Variants in SUPT5H observed in about 807,000 individuals in gnomAD.
SUPT5H encodes SPT5 homolog, DSIF elongation factor subunit.
A neutral mutation model predicts 142.5 loss-of-function variants in SUPT5H; 24 were observed. That is an observed-to-expected ratio of 0.17 (90% CI 0.12 to 0.24). The LOEUF (loss-of-function observed/expected upper bound fraction) is 0.24, where lower values mean the gene tolerates loss of function less well. SUPT5H is among the 10% of genes least tolerant of loss of function. The probability of loss-of-function intolerance (pLI) is 1.00; values close to 1 mark genes in which losing one functional copy is unlikely to be tolerated. For synonymous variants in SUPT5H, 546 were observed against 553.0 expected (o/e 0.99, Z 0.18); for missense variants, 893 against 1,471.8 (o/e 0.61, Z 6.43).
chr19:39,454,352 CGTTGT>C (rs1568420375), intron 3 of SUPT5H, among the ~76,000 whole-genome samples: 1 of 91,440 alleles, frequency 1.1e-5, no homozygotes, highest in African/African-American at 5.2e-5. Flanking sequence ...TTGTTGTTGT[CGTTGT>C]TTTTTTTTTT....
chr19:39,447,607 C>T (rs1052297681), intron 2 of SUPT5H, among the ~76,000 whole-genome samples: 41 of 152,136 alleles, frequency 2.7e-4, no homozygotes, highest in African/African-American at 6.7e-4. Context: ...TTAGTAGAGA[C>T]GGGGTTTCAC....
rs575648894 is a variant in SUPT5H at position 39,456,612 on chromosome 19, G to A, written c.242-1063G>A. Among the ~76,000 whole-genome samples the A allele has an allele frequency of 2.8e-3, 418 of 151,998 alleles. 3 individuals carry two copies. Among genetic ancestry groups the A allele is most frequent in the Non-Finnish European group, 4.8e-3 (327 of 67,970 alleles). Reference sequence around the variant, plus strand: ...TTTTGTATTTTTAGTAGAGACGGGGGTTTCACCATGTTGGCCAGGCTGATC... The same window carrying A: ...TTTTGTATTTTTAGTAGAGACGGGGATTTCACCATGTTGGCCAGGCTGATC... On this transcript the variant is annotated intron_variant, in intron 3 of 29. Transcript: ENST00000432763.
In SUPT5H at chr19:39,476,348, G is replaced by A; in HGVS notation, c.3213G>A (p.Glu1071=). ...EDGIVRMDLD[E]QLKILNLRFL... ...GCATTGTCCGTATGGACCTTGATGA[G>A]CAGCTCAAGATCCTCAACCTCCGCT... Residue 1071 remains glutamate (E), a synonymous_variant, in exon 30 of 30, where the codon GAG becomes GAA. Coordinates refer to ENST00000432763, the MANE Select transcript of SUPT5H (RefSeq NM_001111020.3). 1 of 1,614,110 alleles carries A rather than the reference G, an allele frequency of 6.2e-7. No individual in the cohort carries two copies. The highest frequency in any genetic ancestry group is 8.5e-7 in the Non-Finnish European group (1 of 1,180,012).
chr19:39,460,947 AG>A (rs1256733663), intron 10 of SUPT5H, among the ~76,000 whole-genome samples: 2 of 152,116 alleles, frequency 1.3e-5, no homozygotes, highest in South Asian at 4.1e-4. Context: ...AGACAGTTGT[AG>A]GGTTTGCAAA....
intron 10 of SUPT5H, among the ~76,000 whole-genome samples, chr19:39,462,750 C>T (rs545089480): frequency 2.0e-5 from 3 of 149,788 alleles, no homozygotes; most frequent in South Asian, 2.1e-4. Context: ...AGGCTGGTCT[C>T]GAACTCCTGA....
intron 2 of SUPT5H, among the ~76,000 whole-genome samples, chr19:39,451,876 A>G (rs2079026915): frequency 6.6e-6 from 1 of 152,206 alleles, no homozygotes; most frequent in Admixed American, 6.5e-5. Context: ...TGTATTAGGT[A>G]AATGGATTGT....
rs1055111308 is a variant in SUPT5H at position 39,473,888 on chromosome 19, G to A, written c.2493-75G>A. 16 of 1,593,798 alleles carry A rather than the reference G, an allele frequency of 1.0e-5. No individual in the cohort carries two copies. In the African/African-American group the frequency reaches 2.1e-4, roughly 21 times the overall value. ...ATGAAATTGCTTCAGTTGGGGGTCT[G>A]GTGTAGGGTGCTGTTCTGGAAGCAT... On this transcript the variant is annotated intron_variant, in intron 25 of 29. Coordinates refer to ENST00000432763, the MANE Select transcript of SUPT5H (RefSeq NM_001111020.3). The surrounding 1 kb of genome is among the most constrained non-coding windows in gnomAD (Gnocchi z 5.8).
rs775612918 is a variant in SUPT5H, at chr19:39,469,184, C to A, written c.1237+12C>A. ...GACTGAGAGCACAGGTATTTGATCC[C>A]CCTCTATAACCTGGGCCAAGGAGCA... On this transcript the variant is annotated intron_variant, in intron 15 of 29. Transcript: ENST00000432763. This position sits in a 1 kb window ranked among gnomAD's most constrained non-coding sequence, Gnocchi z 5.1. 1 of 1,614,072 alleles carries A rather than the reference C, an allele frequency of 6.2e-7. No homozygotes were observed. Among genetic ancestry groups the A allele is most frequent in the Admixed American group, 1.7e-5 (1 of 60,010 alleles).
chr19:39,464,097 C>A (rs1022828008), intron 10 of SUPT5H, among the ~76,000 whole-genome samples: 1 of 151,034 alleles, frequency 6.6e-6, no homozygotes, highest in Non-Finnish European at 1.5e-5. Context: ...GACTCTTCTG[C>A]CTCAGCCTCC....
In SUPT5H at chr19:39,469,157, G is replaced by A; in HGVS notation, c.1222G>A (p.Val408Met). The stretch of plus-strand genomic sequence containing the variant: ...GCCAGAGGGCATTGACCTGGAGGTG[G>A]TGACTGAGAGCACAGGTATTTGATC... ...DQPEGIDLEV[V>M]TESTGKEREH... is the part of the protein sequence containing the mutation. The change falls in exon 15 of 30, where the codon GTG becomes ATG. Residue 408 changes from valine to methionine, a missense_variant. Around this residue, in one of 6 missense-constraint regions of SUPT5H, gnomAD observed 428 missense variants for 763.5 expected, o/e 0.56. Transcript: ENST00000432763. This position sits in a 1 kb window ranked among gnomAD's most constrained non-coding sequence, Gnocchi z 5.1. The A allele has an allele frequency of 1.2e-6, 2 of 1,614,234 alleles. No homozygotes were observed. The highest frequency in any genetic ancestry group is 1.7e-6 in the Non-Finnish European group (2 of 1,180,024).
rs997105237 is a variant in SUPT5H at position 39,458,894 on chromosome 19, A to G, written c.389+7A>G. The G allele has an allele frequency of 1.9e-6, 3 of 1,613,668 alleles. No homozygotes were observed. Among genetic ancestry groups the G allele is most frequent in the Non-Finnish European group, 2.5e-6 (3 of 1,179,746 alleles). ...GCCTGCAAAACCTCTGGAGGTGGGC[A>G]AGGAAGGGAAACGTGGTGGGATTGG... On this transcript the variant is annotated splice_region_variant and intron_variant, in intron 6 of 29. Transcript: ENST00000432763. This position sits in a 1 kb window ranked among gnomAD's most constrained non-coding sequence, Gnocchi z 4.2.
Position 39,469,148 on chromosome 19 carries a change from C to G in SUPT5H, c.1213C>G (p.Leu405Val). The G allele has an allele frequency of 1.9e-6, 3 of 1,614,222 alleles. No homozygotes were observed. The South Asian group carries it at 3.3e-5, about 18-fold the overall frequency. The change falls in exon 15 of 30, where the codon CTG (leucine) becomes GTG (valine). Residue 405 changes from leucine (L) to valine (V), a missense_variant. Coordinates refer to ENST00000432763, the MANE Select transcript of SUPT5H (RefSeq NM_001111020.3). The surrounding 1 kb of genome is among the most constrained non-coding windows in gnomAD (Gnocchi z 5.1). ...KFEDQPEGIDLEVVTESTGKE... is the reference protein window; with the variant it reads ...KFEDQPEGIDVEVVTESTGKE... The stretch of plus-strand genomic sequence containing the variant: ...TGAGGACCAGCCAGAGGGCATTGAC[C>G]TGGAGGTGGTGACTGAGAGCACAGG...
intron 18 of SUPT5H, 27 bp from the exon 19 acceptor site, chr19:39,471,330 C>A: frequency 6.2e-7 from 1 of 1,614,042 alleles, no homozygotes; most frequent in South Asian, 1.1e-5. Flanking sequence ...TTCTCACCCC[C>A]ACAGCCTCCC....
chr19:39,451,885 G>A (rs1362669579), intron 2 of SUPT5H, among the ~76,000 whole-genome samples: 2 of 152,182 alleles, frequency 1.3e-5, no homozygotes, highest in African/African-American at 4.8e-5. Flanking sequence ...TAAATGGATT[G>A]TAGTAATGAC....
rs1258791862 is a variant in SUPT5H at position 39,459,563 on chromosome 19, C to G, written c.529C>G (p.Pro177Ala). ...TCCTTTTCCTCTGCTGCTTAGGGAT[C>G]CCAATCTGTGGACTGTCAAATGTAA... ...QQQLLPGVKD[P>A]NLWTVKCKIG... is the part of the protein sequence containing the mutation. The change falls in exon 9 of 30, where the codon CCC (proline) becomes GCC (alanine). Residue 177 changes from proline to alanine, a missense_variant. This residue lies in a region of SUPT5H where 428 missense variants were observed against 763.5 expected (regional missense o/e 0.56). Coordinates refer to ENST00000432763, the MANE Select transcript of SUPT5H (RefSeq NM_001111020.3). The G allele has an allele frequency of 4.3e-6, 7 of 1,613,784 alleles. No homozygotes were observed. In the South Asian group the frequency reaches 7.7e-5, roughly 18 times the overall value.
At position 39,468,707 on chromosome 19, in the gene SUPT5H, T is replaced by A. The variant is rs775014622; in HGVS notation, c.1038-49T>A. The A allele has an allele frequency of 4.5e-6, 7 of 1,564,788 alleles. No individual in the cohort carries two copies. The African/African-American group carries it at 9.5e-5, about 21-fold the overall frequency. Reference sequence around the variant, plus strand: ...TGAGAAGACTGAGGTACAGCAAGATTTTCTTCTTGACTCTCCCTTCTAATC... The same window carrying A: ...TGAGAAGACTGAGGTACAGCAAGATATTCTTCTTGACTCTCCCTTCTAATC... On this transcript the variant is annotated intron_variant, in intron 13 of 29. Coordinates refer to ENST00000432763, the MANE Select transcript of SUPT5H (RefSeq NM_001111020.3).
At chr19:39,475,486 C>T (rs1055048210) in intron 28 of SUPT5H, among the ~76,000 whole-genome samples, 8 of 150,590 alleles carry the variant, frequency 5.3e-5, no homozygotes, top group East Asian at 3.9e-4. Flanking sequence ...CAGAGGGCGC[C>T]GGAGAGCCAT....
Position 39,473,583 on chromosome 19 carries a change from G to A in SUPT5H, c.2492+62G>A. 1 of 1,547,086 alleles carries A rather than the reference G, an allele frequency of 6.5e-7. No individual in the cohort carries two copies. The highest frequency in any genetic ancestry group is 8.7e-7 in the Non-Finnish European group (1 of 1,143,126). ...GTGTGTGTGAGGGATGATGCTGGGT[G>A]TCTGGGGCATTGGAGGGGTTTGTGG... is the stretch of plus-strand genomic sequence containing the variant. On this transcript the variant is annotated intron_variant, in intron 25 of 29. Transcript: ENST00000432763. This position sits in a 1 kb window ranked among gnomAD's most constrained non-coding sequence, Gnocchi z 5.8.
rs185388887 is a variant in SUPT5H, at chr19:39,473,247, C to T, written c.2303C>T (p.Thr768Met). 10 of 1,613,610 alleles carry T rather than the reference C, an allele frequency of 6.2e-6. No individual in the cohort carries two copies. Among genetic ancestry groups the T allele is most frequent in the African/African-American group, 2.7e-5 (2 of 74,998 alleles). The change falls in exon 24 of 30, where the codon ACG (threonine) becomes ATG (methionine). Residue 768 changes from threonine to methionine, a missense_variant. Thr to Met is a moderately conservative substitution (Grantham distance 81). Coordinates refer to ENST00000432763, the MANE Select transcript of SUPT5H (RefSeq NM_001111020.3). This position sits in a 1 kb window ranked among gnomAD's most constrained non-coding sequence, Gnocchi z 5.8. Reference protein sequence around the residue: ...PGGMTSTYGRTPMYGSQTPMY... With the variant: ...PGGMTSTYGRMPMYGSQTPMY... Reference sequence around the variant, plus strand: ...GGCATGACCTCGACCTATGGGAGGACGCCCATGTATGGCTCCCAGACGCCC... The same window carrying T: ...GGCATGACCTCGACCTATGGGAGGATGCCCATGTATGGCTCCCAGACGCCC...
Sources: allele counts gnomAD v4.1 joint callset (sites outside exome capture counted in the v4.1 genomes callset), GRCh38; gene constraint gnomAD v4.1.1; regional missense constraint gnomAD v4.1.1; non-coding constraint Gnocchi (gnomAD v3.1); transcripts MANE v1.5; gene names NCBI Gene and HGNC (gene_info 2026-07-23, HGNC 2026-07-21).